Variants in PDE10A observed in about 807,000 individuals in gnomAD.
The protein encoded by PDE10A is cAMP and cAMP-inhibited cGMP 3',5'-cyclic phosphodiesterase 10A.
In PDE10A, 39 loss-of-function variants were observed where a neutral mutation model predicts 97.7. The ratio of observed to expected loss-of-function variants is 0.40; its 90% CI spans 0.31 to 0.52. The LOEUF is 0.52. Ranked by LOEUF, PDE10A falls within the 20% of genes least tolerant of loss-of-function variation. The pLI, the probability that PDE10A is intolerant of heterozygous loss-of-function variation, is 0.56. For missense variants in PDE10A, 731 were observed against 1,047.8 expected (o/e 0.70, Z 4.17); for synonymous variants, 371 against 376.8 (o/e 0.98, Z 0.18).
intron 1 of PDE10A, among the ~76,000 whole-genome samples, chr6:165,607,950 C>A (rs1432946406): frequency 6.6e-6 from 1 of 151,862 alleles, no homozygotes; most frequent in Non-Finnish European, 1.5e-5. Context: ...GGGGAACGAC[C>A]CACATGACTC....
intron 1 of PDE10A, among the ~76,000 whole-genome samples, chr6:165,821,956 G>A (rs1779584924): frequency 6.6e-6 from 1 of 152,120 alleles, no homozygotes; most frequent in Admixed American, 6.6e-5. Context: ...TCTGAAGGAT[G>A]AGAAGGATGA....
At chr6:165,724,284 A>G (rs1009164564) in intron 1 of PDE10A, among the ~76,000 whole-genome samples, 16 of 152,236 alleles carry the variant, frequency 1.1e-4, no homozygotes, top group Non-Finnish European at 5.9e-5. Context: ...TTTTTTACCT[A>G]TAACATGAGG....
In PDE10A at chr6:165,339,268, T is replaced by C. The variant is rs188653988; in HGVS notation, c.2976+10A>G. On this transcript the variant is annotated intron_variant, in intron 20 of 21. Transcript: ENST00000539869. ...CTTTAGCAATTACAATTTACTTTAATAATTCATACCTGGCCTTGGGGGACT... is the reference window on the plus strand; with the variant it reads ...CTTTAGCAATTACAATTTACTTTAACAATTCATACCTGGCCTTGGGGGACT... The C allele has an allele frequency of 2.9e-4, 445 of 1,520,116 alleles. 1 individual carries two copies. In the African/African-American group the frequency reaches 5.6e-3, roughly 19 times the overall value. The allele number at this position is 1,520,116 out of a possible 1,614,324, so 94.2% of individuals were successfully genotyped here.
intron 1 of PDE10A, among the ~76,000 whole-genome samples, chr6:165,691,104 T>TCCC (rs1164864284): frequency 1.7e-4 from 5 of 30,048 alleles, no homozygotes; most frequent in African/African-American, 6.4e-4. Flanking sequence ...TCTCTTTCTC[T>TCCC]CTCCCCCCCC....
At chr6:165,518,215 A>T (rs1215179711) in intron 2 of PDE10A, among the ~76,000 whole-genome samples, 1 of 152,240 alleles carries the variant, frequency 6.6e-6, no homozygotes, top group Non-Finnish European at 1.5e-5. Context: ...AATAGAGGGC[A>T]CAAATTAAAA....
Position 165,515,673 on chromosome 6 carries a change from G to A in PDE10A, c.994+27767C>T, listed in dbSNP as rs544212367. ...CAAGTTGCTGGGACTACAGGCATGC[G>A]CCATCATGCTTGGCTAATTTTTGTA... On this transcript the variant is annotated intron_variant, in intron 2 of 21. Transcript: ENST00000539869. 3.1e-4 allele frequency among the ~76,000 whole-genome samples: 47 copies of A among 151,872 alleles called. No homozygotes were observed. The South Asian group carries it at 8.7e-3, about 28-fold the overall frequency.
At chr6:165,777,833 C>G (rs1011892829) in intron 1 of PDE10A, among the ~76,000 whole-genome samples, 1 of 152,088 alleles carries the variant, frequency 6.6e-6, no homozygotes, top group African/African-American at 2.4e-5. Context: ...GGTTACCTAC[C>G]GACACCATGG....
intron 5 of PDE10A, among the ~76,000 whole-genome samples, chr6:165,443,505 G>T (rs900261613): frequency 1.3e-5 from 2 of 152,238 alleles, no homozygotes; most frequent in Middle Eastern, 3.4e-3. Flanking sequence ...TAATCCAGGC[G>T]CATGGTGGAA....
At position 165,388,132 on chromosome 6, in the gene PDE10A, C is replaced by T. The variant is rs969016543; in HGVS notation, c.2610+166G>A. On this transcript the variant is annotated intron_variant, in intron 17 of 21. Coordinates refer to ENST00000539869, the MANE Select transcript of PDE10A (RefSeq NM_001385079.1). This position sits in a 1 kb window ranked among gnomAD's most constrained non-coding sequence, Gnocchi z 4.0. Reference sequence around the variant, plus strand: ...AATTATTTGTAAAGGATTCTTTATGCAAAAAACACTATTATTTAATGATGA... The same window carrying T: ...AATTATTTGTAAAGGATTCTTTATGTAAAAAACACTATTATTTAATGATGA... Among the ~76,000 whole-genome samples, 1 of 152,006 alleles carries T rather than the reference C, an allele frequency of 6.6e-6. No homozygotes were observed.
chr6:165,961,481 C>T (rs768415780), intron 1 of PDE10A, among the ~76,000 whole-genome samples: 1 of 152,194 alleles, frequency 6.6e-6, no homozygotes, highest in Non-Finnish European at 1.5e-5. Context: ...ACAGTGGATG[C>T]GGTGAGGGCC....
intron 2 of PDE10A, among the ~76,000 whole-genome samples, chr6:165,492,310 C>A (rs975464582): frequency 6.6e-6 from 1 of 152,194 alleles, no homozygotes; most frequent in Non-Finnish European, 1.5e-5. Flanking sequence ...CCTGTTGACA[C>A]TATTCCACAA....
At chr6:165,847,025 C>T (rs1780439959) in intron 1 of PDE10A, among the ~76,000 whole-genome samples, 1 of 152,182 alleles carries the variant, frequency 6.6e-6, no homozygotes, top group African/African-American at 2.4e-5. Context: ...CACGTTAGGG[C>T]GTGTTTATTT....
rs1395091415 is a variant in PDE10A, at chr6:165,354,557, G to A, written c.2784-11055C>T. Among the ~76,000 whole-genome samples the A allele has an allele frequency of 3.3e-5, 5 of 152,324 alleles. No individual in the cohort carries two copies. The East Asian group carries it at 7.7e-4, about 24-fold the overall frequency. ...TAATTCAAATCAGTTGTTCAACTGA[G>A]TTACTGAATTCCAATTGAGTTATTT... On this transcript the variant is annotated intron_variant, in intron 18 of 21. Coordinates refer to ENST00000539869, the MANE Select transcript of PDE10A (RefSeq NM_001385079.1).
chr6:165,848,287 C>T (rs116610389), intron 1 of PDE10A, among the ~76,000 whole-genome samples: 3,566 of 152,260 alleles, frequency 0.023, 66 homozygotes, highest in South Asian at 0.1. Context: ...TCCCTGTCCC[C>T]CACACAGCTG....
chr6:165,912,139 TTATC>T (rs1225591474), intron 1 of PDE10A, among the ~76,000 whole-genome samples: 4 of 152,242 alleles, frequency 2.6e-5, no homozygotes, highest in Admixed American at 6.5e-5. Context: ...CTATAACCTA[TTATC>T]TATCTAACTA....
intron 19 of PDE10A, among the ~76,000 whole-genome samples, chr6:165,342,676 G>T (rs183324044): frequency 7.0e-4 from 106 of 152,308 alleles, no homozygotes; most frequent in African/African-American, 2.5e-3. Context: ...ACCAGAAGAG[G>T]TACTCAAAAG....
chr6:165,786,919 G>A (rs1018071199), intron 1 of PDE10A, among the ~76,000 whole-genome samples: 2 of 151,972 alleles, frequency 1.3e-5, no homozygotes, highest in African/African-American at 2.4e-5. Flanking sequence ...AACAATAATG[G>A]CAACTATATT....
intron 20 of PDE10A, among the ~76,000 whole-genome samples, chr6:165,338,204 G>C (rs1781761799): frequency 6.6e-6 from 1 of 152,224 alleles, no homozygotes; most frequent in Non-Finnish European, 1.5e-5. Flanking sequence ...CATTCATTCA[G>C]CCTCTTTGTT....
intron 5 of PDE10A, among the ~76,000 whole-genome samples, chr6:165,439,199 C>T (rs1412418899): frequency 3.3e-5 from 5 of 151,984 alleles, no homozygotes; most frequent in Admixed American, 6.6e-5. Context: ...AAACACCAGA[C>T]ATTATTTTAA....
Sources: allele counts gnomAD v4.1 joint callset (sites outside exome capture counted in the v4.1 genomes callset), GRCh38; gene constraint gnomAD v4.1.1; non-coding constraint Gnocchi (gnomAD v3.1); transcripts MANE v1.5; gene names NCBI Gene and HGNC (gene_info 2026-07-23, HGNC 2026-07-21).